ACSL6: variants seen among roughly 807,000 people sequenced by gnomAD.
ACSL6 encodes the protein long-chain-fatty-acid--CoA ligase 6.
ACSL6 carries 47 observed loss-of-function variants against 98.2 expected under a neutral mutation model. The ratio of observed to expected loss-of-function variants is 0.48; its 90% CI spans 0.38 to 0.61. The LOEUF (loss-of-function observed/expected upper bound fraction) is 0.61. Ranked by LOEUF, ACSL6 falls within the 20% of genes least tolerant of loss-of-function variation. The probability of loss-of-function intolerance (pLI) is 0.00; values close to 1 mark genes in which losing one functional copy is unlikely to be tolerated. For missense variants in ACSL6, 761 were observed against 913.4 expected (o/e 0.83, Z 2.15); for synonymous variants, 362 against 336.9 (o/e 1.07, Z -0.82).
At chr5:131,958,470 A>G (rs941849566) in intron 20 of ACSL6, among the ~76,000 whole-genome samples, 1 of 152,236 alleles carries the variant, frequency 6.6e-6, no homozygotes, top group Non-Finnish European at 1.5e-5. Context: ...AATGCCTCAG[A>G]TTCCATACTT....
In ACSL6 at chr5:131,952,733, C is replaced by T. The variant is rs1457891153; in HGVS notation, c.*1501G>A. ...CCCCAATACAGGGTGCATCTAAATA[C>T]ATAATGCAAGAAAGGAGGTTTTAGT... On this transcript the variant is annotated 3_prime_UTR_variant, in exon 21 of 21. Coordinates refer to ENST00000651883, the MANE Select transcript of ACSL6 (RefSeq NM_001009185.3). 1 of 216,902 alleles carries T rather than the reference C, an allele frequency of 4.6e-6. No homozygotes were observed. The highest frequency in any genetic ancestry group is 6.9e-5 in the East Asian group (1 of 14,508). The allele number at this position is 216,902 out of a possible 1,614,324, so 13.4% of individuals were successfully genotyped here.
At chr5:131,983,289 A>G (rs1424440103) in intron 9 of ACSL6, 3 of 152,232 alleles carry the variant, frequency 2.0e-5, no homozygotes, top group African/African-American at 2.4e-5. Context: ...GGGTACAGAC[A>G]GACCACAAGC....
chr5:131,952,309 A>C lies in ACSL6; in HGVS notation c.*1925T>G, dbSNP rs1752196988. The C allele has an allele frequency of 5.0e-6, 1 of 201,902 alleles. No individual in the cohort carries two copies. Among genetic ancestry groups the C allele is most frequent in the Admixed American group, 6.0e-5 (1 of 16,714 alleles). 12.5% of individuals were successfully genotyped at this position (201,902 alleles called of 1,614,324 possible). Reference sequence around the variant, plus strand: ...GTGCAACAGTGGGTCTTCAGAGAGAATATGCCCAAGAAAAACTGGATAAAA... The same window carrying C: ...GTGCAACAGTGGGTCTTCAGAGAGACTATGCCCAAGAAAAACTGGATAAAA... On this transcript the variant is annotated 3_prime_UTR_variant, in exon 21 of 21. Coordinates refer to ENST00000651883, the MANE Select transcript of ACSL6 (RefSeq NM_001009185.3).
chr5:132,011,607 C>G lies in ACSL6; in HGVS notation c.-54G>C. 7.2e-7 allele frequency: 1 copy of G among 1,390,620 alleles called. No individual in the cohort carries two copies. The highest frequency in any genetic ancestry group is 3.6e-5 in the Admixed American group (1 of 27,402). The allele number at this position is 1,390,620 out of a possible 1,614,324, so 86.1% of individuals were successfully genotyped here. A position where few individuals can be genotyped will look rare whatever the true frequency, so the allele number is the denominator to read the frequency against. Reference sequence around the variant, plus strand: ...GCCCGGCCTCCCCGACCCGCAGCCCCGCAGCCCCGCAGCCCAGCAGCCCCA... The same window carrying G: ...GCCCGGCCTCCCCGACCCGCAGCCCGGCAGCCCCGCAGCCCAGCAGCCCCA... On this transcript the variant is annotated 5_prime_UTR_variant, in exon 1 of 21. Transcript: ENST00000651883. The surrounding 1 kb of genome is among the most constrained non-coding windows in gnomAD (Gnocchi z 5.4).
chr5:131,986,940 C>T lies in ACSL6; in HGVS notation c.832-86G>A, dbSNP rs1415360027. 8 of 1,399,200 alleles carry T rather than the reference C, an allele frequency of 5.7e-6. No homozygotes were observed. The East Asian group carries it at 1.6e-4, about 29-fold the overall frequency. The allele number at this position is 1,399,200 out of a possible 1,614,324, so 86.7% of individuals were successfully genotyped here. The stretch of plus-strand genomic sequence containing the variant: ...CCTCTGTCTCTGTCTCTTTCTCTCA[C>T]ACACGCACATACACATACACACACA... On this transcript the variant is annotated intron_variant, in intron 7 of 20. Transcript: ENST00000651883.
In ACSL6 at chr5:131,988,183, C is replaced by T. The variant is rs1754299934; in HGVS notation, c.696G>A (p.Val232=). Residue 232 remains valine, a synonymous_variant, in exon 7 of 21, where the codon GTG becomes GTA. Transcript: ENST00000651883. ...TCCTCTCCACATGCTCTAGCAGAAGCACAGCCTTCTGAGGTTTGTCCACAA... is the reference window on the plus strand; with the variant it reads ...TCCTCTCCACATGCTCTAGCAGAAGTACAGCCTTCTGAGGTTTGTCCACAA... The part of the protein sequence containing the change: ...TVIVDKPQKA[V]LLLEHVERKE... The T allele has an allele frequency of 6.2e-7, 1 of 1,614,220 alleles. No individual in the cohort carries two copies. Among genetic ancestry groups the T allele is most frequent in the African/African-American group, 1.3e-5 (1 of 75,056 alleles).
At chr5:131,976,522 A>C (rs1422460381) in intron 10 of ACSL6, 126 bp downstream of exon 10, 37 of 818,578 alleles carry the variant, frequency 4.5e-5, no homozygotes, top group South Asian at 5.4e-5. Context: ...CTGCCTGTGA[A>C]TGGCAGCCCA....
At chr5:131,966,883 G>T (rs1753042592) in intron 16 of ACSL6, among the ~76,000 whole-genome samples, 1 of 152,192 alleles carries the variant, frequency 6.6e-6, no homozygotes, top group South Asian at 2.1e-4. Context: ...GGATGCTTCA[G>T]CCCCCTGCTC....
intron 11 of ACSL6, 153 bp downstream of exon 11, chr5:131,974,740 C>T: frequency 6.3e-7 from 1 of 1,599,960 alleles, no homozygotes; most frequent in Non-Finnish European, 8.5e-7. Context: ...GTGTGCCTCC[C>T]TGATGCCAGG....
intron 9 of ACSL6, among the ~76,000 whole-genome samples, chr5:131,977,038 G>A (rs1343649684): frequency 6.6e-6 from 1 of 152,196 alleles, no homozygotes; most frequent in African/African-American, 2.4e-5. Flanking sequence ...TCCTTCAGGA[G>A]CAGAGGCTGT....
chr5:131,992,332 A>G (rs528892949), intron 2 of ACSL6, among the ~76,000 whole-genome samples: 160 of 152,240 alleles, frequency 1.1e-3, no homozygotes, highest in African/African-American at 3.5e-3. Context: ...GGCGAGTGAC[A>G]AGATCTGAAT....
intron 18 of ACSL6, 28 bp downstream of exon 18, chr5:131,962,507 T>G (rs1367073014): frequency 6.3e-7 from 1 of 1,593,594 alleles, no homozygotes; most frequent in Non-Finnish European, 8.6e-7. Flanking sequence ...CCAGGATATG[T>G]GGGAGGGCTG....
intron 13 of ACSL6, among the ~76,000 whole-genome samples, 189 bp from the exon 14 acceptor site, chr5:131,971,834 C>T (rs1414270621): frequency 6.6e-6 from 1 of 152,176 alleles, no homozygotes; most frequent in Non-Finnish European, 1.5e-5. Flanking sequence ...TAATGATAAA[C>T]ACAATCAGCT....
chr5:131,992,964 A>G (rs1483257827), intron 2 of ACSL6, among the ~76,000 whole-genome samples: 1 of 152,248 alleles, frequency 6.6e-6, no homozygotes, highest in Non-Finnish European at 1.5e-5. Context: ...CAGAGAGTTA[A>G]GAAACTGCCC....
intron 16 of ACSL6, 42 bp downstream of exon 16, chr5:131,967,898 C>T: frequency 6.4e-7 from 1 of 1,566,822 alleles, no homozygotes; most frequent in Non-Finnish European, 8.8e-7. Flanking sequence ...TTACTCACTA[C>T]ATGTAGCAGC....
intron 19 of ACSL6, among the ~76,000 whole-genome samples, chr5:131,960,079 T>C (rs1231763796): frequency 6.6e-6 from 1 of 152,190 alleles, no homozygotes; most frequent in East Asian, 1.9e-4. Flanking sequence ...CAGAAAGAAT[T>C]GTGCTACTTT....
intron 1 of ACSL6, among the ~76,000 whole-genome samples, chr5:132,010,763 G>A (rs138334750): frequency 2.0e-5 from 3 of 152,288 alleles, no homozygotes; most frequent in Non-Finnish European, 2.9e-5. Context: ...GGAAGTAGCC[G>A]GTGCAGGTGG....
At position 132,001,158 on chromosome 5, in the gene ACSL6, C is replaced by T. The variant is rs1331727920; in HGVS notation, c.50-6907G>A. On this transcript the variant is annotated intron_variant, in intron 1 of 20. Transcript: ENST00000651883. ...AATATGAAAGCTTCCTTTAATGCTT[C>T]TCAAGGCAGCCTCTGGGGCAGGAAA... Among the ~76,000 whole-genome samples the T allele has an allele frequency of 2.6e-5, 4 of 152,216 alleles. No homozygotes were observed. In the East Asian group the frequency reaches 7.7e-4, roughly 29 times the overall value.
In ACSL6 at chr5:131,962,606, C is replaced by T. The variant is rs1283422329; in HGVS notation, c.1786G>A (p.Glu596Lys). ...KLAQGEYVAP[E>K]KIENIYIRSQ... ...CGGATGTAGATGTTCTCAATCTTCT[C>T]GGGTGCAACATATTCTCCCTGAGCA... The change falls in exon 18 of 21, where the codon GAG becomes AAG. Residue 596 changes from glutamate (E) to lysine (K), a missense_variant. By Grantham distance (56) the Glu-to-Lys change is moderately conservative. Coordinates refer to ENST00000651883, the MANE Select transcript of ACSL6 (RefSeq NM_001009185.3). 7 of 1,614,090 alleles carry T rather than the reference C, an allele frequency of 4.3e-6. No homozygotes were observed. The highest frequency in any genetic ancestry group is 1.7e-5 in the Admixed American group (1 of 60,020).
Sources: gnomAD v4.1 joint callset for allele counts (sites outside exome capture counted in the v4.1 genomes callset) on GRCh38, gnomAD v4.1.1 for gene constraint, Gnocchi (gnomAD v3.1) non-coding constraint, MANE v1.5 for transcripts, NCBI Gene and HGNC (gene_info 2026-07-23, HGNC 2026-07-21) for gene names.